PHC2: variants seen among roughly 807,000 people sequenced by gnomAD.
PHC2 encodes the protein polyhomeotic homolog 2.
PHC2 carries 29 observed loss-of-function variants against 87.4 expected under a neutral mutation model. The ratio of observed to expected loss-of-function variants is 0.33; its 90% CI spans 0.25 to 0.45. The LOEUF is 0.45. Among genes scored for constraint, PHC2 ranks in the 20% least tolerant of loss-of-function variants. PHC2 has a pLI of 1.00. For synonymous variants in PHC2, 438 were observed against 461.7 expected (o/e 0.95, Z 0.66); for missense variants, 857 against 1,136.7 (o/e 0.75, Z 3.54).
In PHC2 at chr1:33,389,265, T is replaced by C. The variant is rs551192383; in HGVS notation, c.-54-13672A>G. ...CCACGCAACTCCAAGCTCTGTGCAG[T>C]AAAAGCATTTTAGAAATCCAGAGCA... On this transcript the variant is annotated intron_variant, in intron 1 of 14. Transcript: ENST00000683057. 1.5e-4 allele frequency among the ~76,000 whole-genome samples: 23 copies of C among 152,270 alleles called. No homozygotes were observed. The South Asian group carries it at 2.7e-3, about 18-fold the overall frequency.
At chr1:33,367,090 G>A in intron 7 of PHC2, 26 bp downstream of exon 7, 1 of 1,569,156 alleles carries the variant, frequency 6.4e-7, no homozygotes, top group Non-Finnish European at 8.7e-7. Flanking sequence ...TTCTGGGAAA[G>A]GATTCCTGCT....
intron 1 of PHC2, among the ~76,000 whole-genome samples, chr1:33,389,243 C>T (rs1217782603): frequency 5.9e-5 from 9 of 152,182 alleles, no homozygotes; most frequent in Admixed American, 2.0e-4. Context: ...CAATCCCCCA[C>T]GCAACTCCAA....
At position 33,349,914 on chromosome 1, in the gene PHC2, G is replaced by A. The variant is rs1646932444; in HGVS notation, c.1558+4487C>T. On this transcript the variant is annotated intron_variant, in intron 9 of 14. Coordinates refer to ENST00000683057, the MANE Select transcript of PHC2 (RefSeq NM_001385109.1). This position sits in a 1 kb window ranked among gnomAD's most constrained non-coding sequence, Gnocchi z 4.2. Reference sequence around the variant, plus strand: ...GGAGACAATGCGGCGAGTCTGGGACGGCTCCCGCGGCCGCCTCCGCCGGGG... The same window carrying A: ...GGAGACAATGCGGCGAGTCTGGGACAGCTCCCGCGGCCGCCTCCGCCGGGG... 2.5e-5 allele frequency: 24 copies of A among 967,862 alleles called. No homozygotes were observed. The South Asian group carries it at 7.6e-4, about 31-fold the overall frequency. The allele number at this position is 967,862 out of a possible 1,614,324, so 60.0% of individuals were successfully genotyped here.
At chr1:33,398,705 C>T (rs1047271179) in intron 1 of PHC2, among the ~76,000 whole-genome samples, 6 of 152,128 alleles carry the variant, frequency 3.9e-5, no homozygotes, top group Admixed American at 2.6e-4. Context: ...ACCTGCTGAA[C>T]GAGGGGCTGC....
chr1:33,328,477 A>G (rs866788651), intron 14 of PHC2, among the ~76,000 whole-genome samples: 1 of 148,626 alleles, frequency 6.7e-6, no homozygotes, highest in African/African-American at 2.5e-5. Flanking sequence ...CAGCCTCCCA[A>G]AGTGCTGGGA....
Position 33,344,373 on chromosome 1 carries a change from A to T in PHC2, c.1558+10028T>A, listed in dbSNP as rs180741745. On this transcript the variant is annotated intron_variant, in intron 9 of 14. Transcript: ENST00000683057. ...TATTGTTAGATAAATGTCAGGGGAG[A>T]CTGGGAGGAGGGAACACTAAGCCTC... is the stretch of plus-strand genomic sequence containing the variant. 3.1e-3 allele frequency among the ~76,000 whole-genome samples: 466 copies of T among 152,266 alleles called. 1 individual carries two copies. Among genetic ancestry groups the T allele is most frequent in the African/African-American group, 0.01 (436 of 41,530 alleles).
rs116271284 is a variant in PHC2, at chr1:33,385,329, A to G, written c.-54-9736T>C. On this transcript the variant is annotated intron_variant, in intron 1 of 14. Coordinates refer to ENST00000683057, the MANE Select transcript of PHC2 (RefSeq NM_001385109.1). Reference sequence around the variant, plus strand: ...AGGAGAAAGCATTTCGGAAACAAAAATCACACAAAGGCAAAGTATCATGAG... The same window carrying G: ...AGGAGAAAGCATTTCGGAAACAAAAGTCACACAAAGGCAAAGTATCATGAG... Among the ~76,000 whole-genome samples, 1,209 of 152,340 alleles carry G rather than the reference A, an allele frequency of 7.9e-3. 15 individuals are homozygous for G. Among genetic ancestry groups the G allele is most frequent in the African/African-American group, 0.028 (1,146 of 41,572 alleles).
chr1:33,356,600 G>C (rs903561255), intron 7 of PHC2, among the ~76,000 whole-genome samples: 2 of 152,062 alleles, frequency 1.3e-5, no homozygotes, highest in Admixed American at 1.3e-4. Context: ...AGAGAGCACG[G>C]GGTTGGGGGT....
intron 7 of PHC2, among the ~76,000 whole-genome samples, chr1:33,356,253 A>ATATATATATATATATATATACG (rs1647071690): frequency 2.0e-5 from 1 of 50,682 alleles, no homozygotes; most frequent in Non-Finnish European, 3.9e-5. Context: ...AAATTCTTAT[A>ATATATATATATATATATATACG]TATATATATA....
In PHC2 at chr1:33,331,210, A is replaced by G. The variant is rs570560308; in HGVS notation, c.2006+138T>C. On this transcript the variant is annotated intron_variant, in intron 12 of 14. Transcript: ENST00000683057. The surrounding 1 kb of genome is among the most constrained non-coding windows in gnomAD (Gnocchi z 5.2). The stretch of plus-strand genomic sequence containing the variant: ...TCGTGCTTGTTGAATTAGGGATGCC[A>G]TCCTGCTTCCAGGTGGGTCGAGGAA... The G allele has an allele frequency of 2.0e-6, 1 of 505,226 alleles. No homozygotes were observed. The highest frequency in any genetic ancestry group is 3.5e-6 in the Non-Finnish European group (1 of 283,202). The allele number at this position is 505,226 out of a possible 1,614,324, so 31.3% of individuals were successfully genotyped here. A position where few individuals can be genotyped will look rare whatever the true frequency, so the allele number is the denominator to read the frequency against.
At chr1:33,409,490 A>G (rs941155081) in intron 1 of PHC2, among the ~76,000 whole-genome samples, 2 of 152,250 alleles carry the variant, frequency 1.3e-5, no homozygotes, top group African/African-American at 4.8e-5. Context: ...GGGTGCTAGG[A>G]TAACAGGTTT....
intron 1 of PHC2, among the ~76,000 whole-genome samples, chr1:33,422,475 T>TA (rs1205013543): frequency 2.6e-5 from 4 of 152,248 alleles, no homozygotes; most frequent in Non-Finnish European, 4.4e-5. Context: ...CCCATCCCTG[T>TA]AATCAGAAGA....
intron 1 of PHC2, among the ~76,000 whole-genome samples, chr1:33,416,785 C>T (rs962487953): frequency 3.3e-5 from 5 of 151,574 alleles, no homozygotes; most frequent in Non-Finnish European, 5.9e-5. Context: ...ACTGCACTAT[C>T]AAAAATATTA....
intron 1 of PHC2, among the ~76,000 whole-genome samples, chr1:33,379,292 CGCCCCCCT>C (rs1279429961): frequency 1.9e-4 from 19 of 98,218 alleles, no homozygotes; most frequent in Non-Finnish European, 2.4e-4. Flanking sequence ...CCCCGCCCAC[CGCCCCCCT>C]GCCCCCCCAC....
At chr1:33,350,486 C>A (rs943740955) in intron 9 of PHC2, 2 of 152,300 alleles carry the variant, frequency 1.3e-5, no homozygotes, top group African/African-American at 4.8e-5. Flanking sequence ...ACCGGGTGAA[C>A]CTGCGCTGTC....
At chr1:33,379,295 C>T (rs1271877706) in intron 1 of PHC2, among the ~76,000 whole-genome samples, 2 of 106,096 alleles carry the variant, frequency 1.9e-5, no homozygotes, top group Admixed American at 9.3e-5. Context: ...CGCCCACCGC[C>T]CCCCTGCCCC....
intron 1 of PHC2, among the ~76,000 whole-genome samples, chr1:33,428,135 T>G (rs898011480): frequency 2.0e-5 from 3 of 152,218 alleles, no homozygotes; most frequent in Non-Finnish European, 4.4e-5. Flanking sequence ...TTATTACAGA[T>G]GAAGAAACTG....
chr1:33,411,450 TTTG>T (rs894110212), intron 1 of PHC2, among the ~76,000 whole-genome samples: 1 of 151,226 alleles, frequency 6.6e-6, no homozygotes, highest in Non-Finnish European at 1.5e-5. Context: ...ATCTCTGTTT[TTTG>T]TTGTTGTTGT....
In PHC2 at chr1:33,368,665, C is replaced by T; in HGVS notation, c.577-43G>A. 7.0e-7 allele frequency: 1 copy of T among 1,418,932 alleles called. No individual in the cohort carries two copies. Among genetic ancestry groups the T allele is most frequent in the Non-Finnish European group, 9.7e-7 (1 of 1,025,922 alleles). The allele number at this position is 1,418,932 out of a possible 1,614,324, so 87.9% of individuals were successfully genotyped here. ...CAGTGCCGCCTAGGCTCCTAGCTAC[C>T]TGCACCAGGTTACCTGGCTGGGCCT... On this transcript the variant is annotated intron_variant, in intron 5 of 14. Transcript: ENST00000683057. This position sits in a 1 kb window ranked among gnomAD's most constrained non-coding sequence, Gnocchi z 6.6.
Sources: gnomAD v4.1 joint callset for allele counts (sites outside exome capture counted in the v4.1 genomes callset) on GRCh38, gnomAD v4.1.1 for gene constraint, Gnocchi (gnomAD v3.1) non-coding constraint, MANE v1.5 for transcripts, NCBI Gene and HGNC (gene_info 2026-07-23, HGNC 2026-07-21) for gene names.